Variants in KIR3DL3 observed in about 807,000 individuals in gnomAD.
KIR3DL3 encodes the protein killer cell immunoglobulin-like receptor 3DL3.
In KIR3DL3, 27 loss-of-function variants were observed where a neutral mutation model predicts 34.9. The ratio of observed to expected loss-of-function variants is 0.77; its 90% CI spans 0.57 to 1.07. The LOEUF (loss-of-function observed/expected upper bound fraction) is 1.07. KIR3DL3 is among the 50% of genes least tolerant of loss of function. The pLI, the probability that KIR3DL3 is intolerant of heterozygous loss-of-function variation, is 0.00. For synonymous variants in KIR3DL3, 217 were observed against 200.2 expected, an observed-to-expected ratio of 1.08 and a Z score of -0.71; for missense variants, 681 against 528.5, an observed-to-expected ratio of 1.29 and a Z score of -2.83.
chr19:54,733,177 A>C (rs3815430), intron 5 of KIR3DL3, among the ~76,000 whole-genome samples: 33,161 of 151,918 alleles, frequency 0.22, 3,810 homozygotes, highest in Middle Eastern at 0.3. Flanking sequence ...CATCTAAATC[A>C]ATACCTGGCA....
In KIR3DL3 at chr19:54,724,449, C is replaced by A. The variant is rs2067887079; in HGVS notation, c.-48C>A. 2 of 1,611,860 alleles carry A rather than the reference C, an allele frequency of 1.2e-6. No homozygotes were observed. The stretch of plus-strand genomic sequence containing the variant: ...TGAGCCCCTCACAACATCCTGTGTG[C>A]TGCTGAACTGAGCTGGGGCGCAGCC... On this transcript the variant is annotated 5_prime_UTR_variant, in exon 1 of 8. In the 5' UTR this introduces an upstream ATG that the reference lacks. Coordinates refer to ENST00000291860, the MANE Select transcript of KIR3DL3 (RefSeq NM_153443.5).
At chr19:54,733,968 A>G (rs1015035167) in intron 5 of KIR3DL3, among the ~76,000 whole-genome samples, 57 of 152,220 alleles carry the variant, frequency 3.7e-4, no homozygotes, top group African/African-American at 1.2e-3. Flanking sequence ...TTGAAACAAT[A>G]AACGACGGAG....
At chr19:54,733,943 G>C (rs1319125943) in intron 5 of KIR3DL3, among the ~76,000 whole-genome samples, 1 of 152,118 alleles carries the variant, frequency 6.6e-6, no homozygotes, top group Admixed American at 6.5e-5. Flanking sequence ...CTAACTCACA[G>C]AAGGACAGGC....
In KIR3DL3 at chr19:54,735,786, T is replaced by A. The variant is rs147206425; in HGVS notation, c.1055-34T>A. 7.3e-4 allele frequency: 1,169 copies of A among 1,606,590 alleles called. 18 individuals are homozygous for A. In the African/African-American group the frequency reaches 0.014, roughly 19 times the overall value. ...ATGAAATGAGGACCCAGAAGTGCCC[T>A]CCGAGCTGTTTTGACGACTTCCGTC... On this transcript the variant is annotated intron_variant, in intron 6 of 7. Transcript: ENST00000291860.
Position 54,724,552 on chromosome 19 carries a change from A to C in KIR3DL3, c.34+22A>C, listed in dbSNP as rs954729335. 1.4e-3 allele frequency: 2,248 copies of C among 1,601,604 alleles called. 24 individuals carry two copies. In the African/African-American group the frequency reaches 0.027, roughly 19 times the overall value. On this transcript the variant is annotated intron_variant, in intron 1 of 7. Transcript: ENST00000291860. ...GTTGGTGAGTCCTGGAAGGGAATCG[A>C]GGGAGGGAGCGCTGGGGTGGAGATC...
At position 54,736,184 on chromosome 19, in the gene KIR3DL3, A is replaced by C; in HGVS notation, c.*88A>C. 2 of 1,565,850 alleles carry C rather than the reference A, an allele frequency of 1.3e-6. No individual in the cohort carries two copies. The highest frequency in any genetic ancestry group is 1.8e-6 in the Non-Finnish European group (2 of 1,142,834). ...CAGGCCTTGATGGGATCTTCTAGGG[A>C]GACAATAGCCCTGTCTCAAAACCGG... On this transcript the variant is annotated 3_prime_UTR_variant, in exon 8 of 8. Coordinates refer to ENST00000291860, the MANE Select transcript of KIR3DL3 (RefSeq NM_153443.5).
Position 54,735,260 on chromosome 19 carries a change from C to A in KIR3DL3, c.957C>A (p.Ser319=). Residue 319 remains serine, a synonymous_variant, in exon 6 of 8, where the codon TCC becomes TCA. Transcript: ENST00000291860. ...TGTCTTGTCTTCCTCCAGGTAACTC[C>A]AGAAACCTGCACGTTCTGATTGGGA... ...DPLPVSVTGN[S]RNLHVLIGTS... is the part of the protein sequence containing the mutation. The A allele has an allele frequency of 6.6e-7, 1 of 1,504,784 alleles. No individual in the cohort carries two copies. The highest frequency in any genetic ancestry group is 1.2e-5 in the South Asian group (1 of 86,382). The allele number at this position is 1,504,784 out of a possible 1,614,324, so 93.2% of individuals were successfully genotyped here. A position where few individuals can be genotyped will look rare whatever the true frequency, so the allele number is the denominator to read the frequency against.
chr19:54,732,222 C>A (rs2068877826), intron 5 of KIR3DL3, among the ~76,000 whole-genome samples: 1 of 150,400 alleles, frequency 6.6e-6, no homozygotes, highest in African/African-American at 2.5e-5. Context: ...TGCACCAAAT[C>A]TGGGGTTTTT....
rs2068044915 is a variant in KIR3DL3 at position 54,725,259 on chromosome 19, T to C, written c.47T>C (p.Leu16Pro). 2 of 1,594,732 alleles carry C rather than the reference T, an allele frequency of 1.3e-6. No individual in the cohort carries two copies. The highest frequency in any genetic ancestry group is 1.3e-5 in the African/African-American group (1 of 74,258). Residue 16 changes from leucine to proline, a missense_variant, in exon 2 of 8, where the codon CTG (leucine) becomes CCG (proline). Transcript: ENST00000291860. The part of the protein sequence containing the change: ...VSMACVGFFL[L>P]EGPWPHVGGQ... ...TCTTTCTTTCCAGGGTTCTTCTTGC[T>C]GGAGGGGCCCTGGCCACATGTGGGT...
In KIR3DL3 at chr19:54,736,408, C is replaced by T; in HGVS notation, c.*312C>T. ...TTTCACTTGACCCCTGCCCACCTCTCCAACCTAACTGGCTTACTTCCTAGT... is the reference window on the plus strand; with the variant it reads ...TTTCACTTGACCCCTGCCCACCTCTTCAACCTAACTGGCTTACTTCCTAGT... On this transcript the variant is annotated 3_prime_UTR_variant, in exon 8 of 8. Coordinates refer to ENST00000291860, the MANE Select transcript of KIR3DL3 (RefSeq NM_153443.5). 2.2e-6 allele frequency: 1 copy of T among 457,620 alleles called. No individual in the cohort carries two copies. The highest frequency in any genetic ancestry group is 3.3e-5 in the East Asian group (1 of 30,610). 28.3% of individuals were successfully genotyped at this position (457,620 alleles called of 1,614,324 possible).
At chr19:54,732,339 C>T (rs2068906660) in intron 5 of KIR3DL3, among the ~76,000 whole-genome samples, 2 of 151,810 alleles carry the variant, frequency 1.3e-5, no homozygotes, top group African/African-American at 4.8e-5. Context: ...CAACCTCTGC[C>T]TCCTGGGTTC....
At chr19:54,733,865 C>A (rs2069113013) in intron 5 of KIR3DL3, among the ~76,000 whole-genome samples, 2 of 152,276 alleles carry the variant, frequency 1.3e-5, no homozygotes, top group South Asian at 4.1e-4. Flanking sequence ...CACTAATACT[C>A]TTTGGAGTGA....
At chr19:54,729,924 G>T (rs1275185623) in intron 5 of KIR3DL3, 138 bp downstream of exon 5, 7 of 557,652 alleles carry the variant, frequency 1.3e-5, no homozygotes, top group Non-Finnish European at 2.8e-6. Flanking sequence ...GGGTCAGGGC[G>T]CAGGATGGCA....
rs1309966593 is a variant in KIR3DL3, at chr19:54,727,997, G to A, written c.655+87G>A. ...GGAAGCCCCAGGTGGTCATGAGGAA[G>A]ATGAGTGTGGGGTTCCTATGGAGAG... is the stretch of plus-strand genomic sequence containing the variant. On this transcript the variant is annotated intron_variant, in intron 4 of 7. Coordinates refer to ENST00000291860, the MANE Select transcript of KIR3DL3 (RefSeq NM_153443.5). The A allele has an allele frequency of 1.5e-4, 203 of 1,333,186 alleles. No individual in the cohort carries two copies. The East Asian group carries it at 4.4e-3, about 29-fold the overall frequency. 82.6% of individuals were successfully genotyped at this position (1,333,186 alleles called of 1,614,324 possible).
Position 54,735,292 on chromosome 19 carries a change from TG to T in KIR3DL3, c.991del (p.Val331SerfsTer25). ...CTGCACGTTCTGATTGGGACCTCAG[TG>T]GTCATCATCCCCTTTGCTATCCTCC... Reference protein sequence around the residue: ...RNLHVLIGTSVVIIPFAILLF... With the variant: ...RNLHVLIGTSXVIIPFAILLF... On this transcript the variant is annotated frameshift_variant, in exon 6 of 8. Transcript: ENST00000291860. LOFTEE classifies it high-confidence loss of function. 1 of 1,526,554 alleles carries T rather than the reference TG, an allele frequency of 6.6e-7. No homozygotes were observed. Among genetic ancestry groups the T allele is most frequent in the African/African-American group, 1.4e-5 (1 of 70,206 alleles). The allele number at this position is 1,526,554 out of a possible 1,614,324, so 94.6% of individuals were successfully genotyped here. A position where few individuals can be genotyped will look rare whatever the true frequency, so the allele number is the denominator to read the frequency against.
chr19:54,730,182 G>T (rs1307842660), intron 5 of KIR3DL3, among the ~76,000 whole-genome samples: 1 of 151,998 alleles, frequency 6.6e-6, no homozygotes, highest in African/African-American at 2.4e-5. Context: ...TTTGTTTGAA[G>T]AAATATTTAT....
chr19:54,727,022 G>T (rs75158558), intron 3 of KIR3DL3, among the ~76,000 whole-genome samples: 14,826 of 132,976 alleles, frequency 0.11, 1,501 homozygotes, highest in East Asian at 0.49. Flanking sequence ...CAAGGAGAAG[G>T]TTGGCTACAC....
At chr19:54,727,107 A>T (rs1415004884) in intron 3 of KIR3DL3, among the ~76,000 whole-genome samples, 2 of 137,166 alleles carry the variant, frequency 1.5e-5, no homozygotes, top group Non-Finnish European at 3.1e-5. Context: ...TGCTCCTGGA[A>T]CCAGCACCAG....
chr19:54,727,983 G>C, intron 4 of KIR3DL3, 73 bp downstream of exon 4: 8 of 1,447,016 alleles, frequency 5.5e-6, no homozygotes, highest in Non-Finnish European at 6.6e-6. Flanking sequence ...GAAGCCCCAG[G>C]TGGTCATGAG....
Sources: gnomAD v4.1 joint callset for allele counts (sites outside exome capture counted in the v4.1 genomes callset) on GRCh38, gnomAD v4.1.1 for gene constraint, MANE v1.5 for transcripts, NCBI Gene and HGNC (gene_info 2026-07-23, HGNC 2026-07-21) for gene names.